Variants in FHOD3 observed in about 807,000 individuals in gnomAD.
FHOD3 encodes the protein FH1/FH2 domain-containing protein 3.
FHOD3 carries 90 observed loss-of-function variants against 173.0 expected under a neutral mutation model. The observed-to-expected ratio is 0.52, with a 90% confidence interval of 0.44 to 0.62. The LOEUF (loss-of-function observed/expected upper bound fraction) is 0.62, where lower values mean the gene tolerates loss of function less well. Among genes scored for constraint, FHOD3 ranks in the 20% least tolerant of loss-of-function variants. The pLI, the probability that FHOD3 is intolerant of heterozygous loss-of-function variation, is 0.00. For synonymous variants in FHOD3, 828 were observed against 823.0 expected, an observed-to-expected ratio of 1.01 and a Z score of -0.10; for missense variants, 1,945 against 2,034.7, an observed-to-expected ratio of 0.96 and a Z score of 0.85.
At chr18:36,384,999 G>C (rs1490934198) in intron 3 of FHOD3, among the ~76,000 whole-genome samples, 2 of 152,130 alleles carry the variant, frequency 1.3e-5, no homozygotes, top group Non-Finnish European at 2.9e-5. Flanking sequence ...TCCTCTAAAG[G>C]AATGTGACTT....
chr18:36,491,579 C>T (rs1162152568), intron 3 of FHOD3, among the ~76,000 whole-genome samples: 1 of 152,150 alleles, frequency 6.6e-6, no homozygotes, highest in African/African-American at 2.4e-5. Context: ...TCCTTCCCTC[C>T]CTCCTCCAAA....
In FHOD3 at chr18:36,316,198, G is replaced by T. The variant is rs528715402; in HGVS notation, c.165+18198G>T. Among the ~76,000 whole-genome samples the T allele has an allele frequency of 2.6e-4, 39 of 151,892 alleles. No homozygotes were observed. In the South Asian group the frequency reaches 7.9e-3, roughly 31 times the overall value. On this transcript the variant is annotated intron_variant, in intron 1 of 28. Transcript: ENST00000590592. ...TACCAGCTCCATTAAATTAACATATGTAGTTCTGCAAAGTCTAAACAGTTT... is the reference window on the plus strand; with the variant it reads ...TACCAGCTCCATTAAATTAACATATTTAGTTCTGCAAAGTCTAAACAGTTT...
At chr18:36,703,399 C>A (rs1357515233) in intron 17 of FHOD3, among the ~76,000 whole-genome samples, 1 of 152,150 alleles carries the variant, frequency 6.6e-6, no homozygotes, top group Non-Finnish European at 1.5e-5. Context: ...GAGCATGGAT[C>A]AAACAGTCAG....
At chr18:36,477,544 CACCT>C (rs61272960) in intron 3 of FHOD3, among the ~76,000 whole-genome samples, 1,066 of 63,164 alleles carry the variant, frequency 0.017, 13 homozygotes, top group South Asian at 0.025. Context: ...CCCACCCACC[CACCT>C]ACCTACCTAC....
At chr18:36,702,539 C>T (rs925354768) in intron 17 of FHOD3, among the ~76,000 whole-genome samples, 6 of 152,228 alleles carry the variant, frequency 3.9e-5, no homozygotes, top group African/African-American at 1.4e-4. Context: ...GGAATCTACA[C>T]AGTTTGGAGC....
intron 3 of FHOD3, among the ~76,000 whole-genome samples, chr18:36,478,474 C>T (rs1048927091): frequency 4.0e-5 from 6 of 150,374 alleles, no homozygotes; most frequent in African/African-American, 1.5e-4. Context: ...ACTATAGTCC[C>T]CTTGTTGTGC....
chr18:36,338,395 G>T (rs189829954), intron 1 of FHOD3, among the ~76,000 whole-genome samples: 1 of 152,284 alleles, frequency 6.6e-6, no homozygotes, highest in East Asian at 1.9e-4. Flanking sequence ...AGAGAAGCTG[G>T]AAACCTGGCT....
At chr18:36,665,458 G>A (rs1435646061) in intron 14 of FHOD3, among the ~76,000 whole-genome samples, 1 of 152,152 alleles carries the variant, frequency 6.6e-6, no homozygotes, top group Admixed American at 6.6e-5. Context: ...AAAAGAGAGA[G>A]GCAATCAAAC....
intron 2 of FHOD3, among the ~76,000 whole-genome samples, chr18:36,364,455 G>A (rs1019873896): frequency 1.3e-5 from 2 of 152,140 alleles, no homozygotes; most frequent in African/African-American, 4.8e-5. Context: ...CCAGACGCTC[G>A]AGGGCACAGT....
At chr18:36,668,689 C>T (rs1358222457) in intron 14 of FHOD3, among the ~76,000 whole-genome samples, 2 of 151,950 alleles carry the variant, frequency 1.3e-5, no homozygotes, top group East Asian at 3.8e-4. Context: ...TTTTTATCTT[C>T]TCTTAATATG....
intron 5 of FHOD3, among the ~76,000 whole-genome samples, chr18:36,514,529 T>C (rs562264451): frequency 6.6e-6 from 1 of 152,318 alleles, no homozygotes; most frequent in Non-Finnish European, 1.5e-5. Flanking sequence ...TGCCCATATG[T>C]TGAACCACAG....
Position 36,300,246 on chromosome 18 carries a change from C to T in FHOD3, c.165+2246C>T, listed in dbSNP as rs74724503. On this transcript the variant is annotated intron_variant, in intron 1 of 28. Coordinates refer to ENST00000590592, the MANE Select transcript of FHOD3 (RefSeq NM_001281740.3). ...CAAACCAGCCCTGTGTGACTCAGGG[C>T]GTCGGTGCTGTTCTGTTCTGGGAAC... 2.5e-3 allele frequency among the ~76,000 whole-genome samples: 375 copies of T among 152,276 alleles called. 3 individuals carry two copies. Among genetic ancestry groups the T allele is most frequent in the Non-Finnish European group, 3.4e-3 (233 of 68,016 alleles).
intron 17 of FHOD3, among the ~76,000 whole-genome samples, chr18:36,700,903 C>T (rs4799878): frequency 0.37 from 56,505 of 152,088 alleles, 10,709 homozygotes; most frequent in South Asian, 0.47. Flanking sequence ...GACTCTTCAT[C>T]GAGCTGAGGC....
At chr18:36,556,352 T>C (rs1225973061) in intron 5 of FHOD3, among the ~76,000 whole-genome samples, 1 of 152,122 alleles carries the variant, frequency 6.6e-6, no homozygotes, top group African/African-American at 2.4e-5. Flanking sequence ...GGATCAAAAA[T>C]ACAATATTTG....
chr18:36,344,701 A>G (rs1280551560), intron 1 of FHOD3, among the ~76,000 whole-genome samples: 1 of 152,240 alleles, frequency 6.6e-6, no homozygotes, highest in African/African-American at 2.4e-5. Context: ...GAACTCAAAC[A>G]TCAGCAATCA....
At chr18:36,667,596 T>C (rs1407979942) in intron 14 of FHOD3, among the ~76,000 whole-genome samples, 1 of 152,088 alleles carries the variant, frequency 6.6e-6, no homozygotes, top group Non-Finnish European at 1.5e-5. Context: ...AGTATTTCCG[T>C]ATCTAAACAT....
At chr18:36,767,873 A>G (rs62083201) in intron 27 of FHOD3, among the ~76,000 whole-genome samples, 16,689 of 152,164 alleles carry the variant, frequency 0.11, 1,170 homozygotes, top group Admixed American at 0.15. Context: ...ACTGTGATCC[A>G]CTGTTCCCAA....
intron 10 of FHOD3, among the ~76,000 whole-genome samples, chr18:36,639,839 T>G (rs1309356861): frequency 6.7e-6 from 1 of 149,542 alleles, no homozygotes; most frequent in South Asian, 2.1e-4. Flanking sequence ...AAACACAAAG[T>G]CAAGGTATAC....
chr18:36,490,287 T>C (rs1343911740), intron 3 of FHOD3, among the ~76,000 whole-genome samples: 2 of 152,180 alleles, frequency 1.3e-5, no homozygotes, highest in Non-Finnish European at 2.9e-5. Context: ...ATTTTGGAAA[T>C]GCAAAGATGG....
Sources: gnomAD v4.1 joint callset for allele counts (sites outside exome capture counted in the v4.1 genomes callset) on GRCh38, gnomAD v4.1.1 for gene constraint, MANE v1.5 for transcripts, NCBI Gene and HGNC (gene_info 2026-07-23, HGNC 2026-07-21) for gene names.